Variants in RIMS2 observed in about 807,000 individuals in gnomAD.
RIMS2 encodes the protein regulating synaptic membrane exocytosis 2, also known as regulating synaptic membrane exocytosis protein 2.
In RIMS2, 59 loss-of-function variants were observed where a neutral mutation model predicts 174.4. That is an observed-to-expected ratio of 0.34 (90% confidence interval 0.27 to 0.42). The LOEUF (loss-of-function observed/expected upper bound fraction) is 0.42. Ranked by LOEUF, RIMS2 falls within the 10% of genes least tolerant of loss-of-function variation. The pLI, the probability that RIMS2 is intolerant of heterozygous loss-of-function variation, is 1.00. For synonymous variants in RIMS2, 606 were observed against 572.5 expected (o/e 1.06, Z -0.84); for missense variants, 1,620 against 1,666.3 (o/e 0.97, Z 0.48).
chr8:103,711,072 T>C (rs2137944266), intron 2 of RIMS2, among the ~76,000 whole-genome samples: 1 of 152,388 alleles, frequency 6.6e-6, no homozygotes, highest in African/African-American at 2.4e-5. Context: ...AGTAGCATAT[T>C]CTTAAAGTTG....
intron 1 of RIMS2, among the ~76,000 whole-genome samples, chr8:103,634,956 G>A (rs920194672): frequency 6.6e-6 from 1 of 151,982 alleles, no homozygotes; most frequent in Non-Finnish European, 1.5e-5. Context: ...ATACCATTGG[G>A]TCTTTTTTAT....
intron 19 of RIMS2, among the ~76,000 whole-genome samples, chr8:104,209,591 T>C (rs2099096434): frequency 6.6e-6 from 1 of 152,242 alleles, no homozygotes; most frequent in Non-Finnish European, 1.5e-5. Flanking sequence ...TTCACTGGCT[T>C]ATTTTGTTTG....
chr8:103,551,087 A>G (rs7830158), intron 1 of RIMS2, among the ~76,000 whole-genome samples: 27,684 of 152,172 alleles, frequency 0.18, 2,771 homozygotes, highest in African/African-American at 0.26. Context: ...ACTCCTCCCG[A>G]ACTCATTTTA....
intron 1 of RIMS2, among the ~76,000 whole-genome samples, chr8:103,546,568 A>G (rs777642013): frequency 6.6e-6 from 1 of 152,208 alleles, no homozygotes; most frequent in African/African-American, 2.4e-5. Context: ...CCCAAAACCA[A>G]CAGAATATAC....
chr8:104,065,747 A>G (rs903022247), intron 19 of RIMS2, among the ~76,000 whole-genome samples: 4 of 152,156 alleles, frequency 2.6e-5, no homozygotes, highest in Non-Finnish European at 1.5e-5. Flanking sequence ...TTGAGATTTC[A>G]TTGGTTAAGA....
chr8:103,716,155 T>A (rs947365804), intron 2 of RIMS2, among the ~76,000 whole-genome samples, 154 bp from the exon 5 acceptor site: 1 of 152,062 alleles, frequency 6.6e-6, no homozygotes, highest in African/African-American at 2.4e-5. Flanking sequence ...ATTTTAGATT[T>A]CAGTCAAAAT....
chr8:103,655,783 G>T (rs1390195727), intron 1 of RIMS2, among the ~76,000 whole-genome samples: 1 of 152,022 alleles, frequency 6.6e-6, no homozygotes, highest in South Asian at 2.1e-4. Flanking sequence ...AGATGAGAGG[G>T]AGTGTGGCAG....
At chr8:103,662,966 C>T (rs537494601) in intron 1 of RIMS2, among the ~76,000 whole-genome samples, 3 of 152,026 alleles carry the variant, frequency 2.0e-5, no homozygotes, top group Admixed American at 6.5e-5. Context: ...GTCAGGAGTT[C>T]GAGACTAGCC....
At chr8:103,919,679 A>G (rs781465687) in intron 9 of RIMS2, among the ~76,000 whole-genome samples, 2 of 152,128 alleles carry the variant, frequency 1.3e-5, no homozygotes, top group Admixed American at 6.5e-5. Context: ...CTATTAAAAT[A>G]GATGTTTTTT....
intron 19 of RIMS2, among the ~76,000 whole-genome samples, chr8:104,118,952 C>A (rs761156281): frequency 6.6e-6 from 1 of 152,006 alleles, no homozygotes; most frequent in Non-Finnish European, 1.5e-5. Flanking sequence ...TAATTACCTC[C>A]CAAAGGGCTC....
intron 3 of RIMS2, among the ~76,000 whole-genome samples, chr8:103,812,793 G>A (rs1186257302): frequency 2.0e-5 from 3 of 152,006 alleles, no homozygotes; most frequent in Admixed American, 1.3e-4. Context: ...TCTATGATCC[G>A]TGCCTCAGGG....
intron 19 of RIMS2, chr8:104,015,496 T>C: frequency 3.1e-6 from 2 of 644,934 alleles, no homozygotes; most frequent in Non-Finnish European, 2.8e-6. Flanking sequence ...GCTAACAGCC[T>C]TTTTGGGGGG....
At chr8:103,613,725 G>A (rs2095440412) in intron 1 of RIMS2, among the ~76,000 whole-genome samples, 1 of 152,050 alleles carries the variant, frequency 6.6e-6, no homozygotes, top group East Asian at 1.9e-4. Flanking sequence ...GGTTATTCCG[G>A]GACCAAGGGC....
In RIMS2 at chr8:103,916,388, A is replaced by T. The variant is rs750436911; in HGVS notation, c.1913-26A>T. The T allele has an allele frequency of 1.6e-5, 25 of 1,559,460 alleles. No homozygotes were observed. In the South Asian group the frequency reaches 2.7e-4, roughly 17 times the overall value. On this transcript the variant is annotated intron_variant, in intron 7 of 23. Transcript: ENST00000504942. ...TGTCAGATCAAATTTTCTGTATAAG[A>T]TTATTATTACTGACACCCACTATAG...
At chr8:103,915,515 T>C (rs766874928) in exon 7 of RIMS2, 1 of 1,601,854 alleles carries the variant, frequency 6.2e-7, no homozygotes, top group Non-Finnish European at 8.5e-7. Flanking sequence ...GAAAGATGAC[T>C]GAATCAGGTC....
intron 19 of RIMS2, among the ~76,000 whole-genome samples, chr8:104,017,351 C>A (rs1036929860): frequency 4.6e-5 from 7 of 151,494 alleles, no homozygotes; most frequent in Non-Finnish European, 1.0e-4. Context: ...TTTTCAACAG[C>A]CAAAATATGA....
intron 19 of RIMS2, among the ~76,000 whole-genome samples, chr8:104,181,448 T>C (rs955528176): frequency 6.6e-6 from 1 of 151,596 alleles, no homozygotes; most frequent in African/African-American, 2.4e-5. Flanking sequence ...CTTAAGTAGG[T>C]AAAATCTTTA....
chr8:103,705,090 G>A (rs1172542308), intron 2 of RIMS2, among the ~76,000 whole-genome samples: 2 of 151,794 alleles, frequency 1.3e-5, no homozygotes, highest in African/African-American at 2.4e-5. Flanking sequence ...GCCATTTATT[G>A]ATGTAAACTT....
At chr8:103,989,911 A>G (rs949721686) in intron 17 of RIMS2, among the ~76,000 whole-genome samples, 1 of 152,172 alleles carries the variant, frequency 6.6e-6, no homozygotes, top group Non-Finnish European at 1.5e-5. Context: ...GTTTTTCCTC[A>G]TGGCTTTCAG....
Sources: gnomAD v4.1 joint callset for allele counts (sites outside exome capture counted in the v4.1 genomes callset) on GRCh38, gnomAD v4.1.1 for gene constraint, MANE v1.5 for transcripts, NCBI Gene and HGNC (gene_info 2026-07-23, HGNC 2026-07-21) for gene names.